SMC2: variants seen among roughly 807,000 people sequenced by gnomAD.
The protein encoded by SMC2 is structural maintenance of chromosomes protein 2.
Under a neutral mutation model 142.6 loss-of-function variants are expected in SMC2, and 41 were observed. The ratio of observed to expected loss-of-function variants is 0.29; its 90% CI spans 0.22 to 0.37. The LOEUF is 0.37. Among genes scored for constraint, SMC2 ranks in the 10% least tolerant of loss-of-function variants. The pLI, the probability that SMC2 is intolerant of heterozygous loss-of-function variation, is 1.00. For missense variants in SMC2, 1,265 were observed against 1,373.7 expected (o/e 0.92, Z 1.25); for synonymous variants, 463 against 457.5 (o/e 1.01, Z -0.15).
At chr9:104,117,633 C>CAT (rs1261553549) in intron 14 of SMC2, among the ~76,000 whole-genome samples, 1 of 152,172 alleles carries the variant, frequency 6.6e-6, no homozygotes, top group African/African-American at 2.4e-5. Context: ...ACAACATTTT[C>CAT]ATATAGTTGT....
chr9:104,096,392 C>A, intron 3 of SMC2, 95 bp downstream of exon 3: 1 of 1,210,074 alleles, frequency 8.3e-7, no homozygotes, highest in South Asian at 1.5e-5. Flanking sequence ...AGAGAAAGTT[C>A]ATGAGCAAAA....
chr9:104,104,543 A>G (rs952977690), intron 9 of SMC2, among the ~76,000 whole-genome samples: 16 of 150,322 alleles, frequency 1.1e-4, no homozygotes, highest in African/African-American at 4.0e-4. Flanking sequence ...CAGCTGGAGG[A>G]GCAGATAGAA....
In SMC2 at chr9:104,120,042, C is replaced by A. The variant is rs750817612; in HGVS notation, c.2012C>A (p.Ala671Glu). 1 of 1,613,750 alleles carries A rather than the reference C, an allele frequency of 6.2e-7. No homozygotes were observed. Among genetic ancestry groups the A allele is most frequent in the Non-Finnish European group, 8.5e-7 (1 of 1,179,880 alleles). ...GTLSGGARSQAASILTKFQEL... is the reference protein window; with the variant it reads ...GTLSGGARSQEASILTKFQEL... The stretch of plus-strand genomic sequence containing the variant: ...CCTCTATCAGGTGCTCGATCCCAGG[C>A]AGCTTCCATTTTAACCAAGTTTCAA... Residue 671 changes from alanine (A) to glutamate (E), a missense_variant, in exon 16 of 25, where the codon GCA becomes GAA. Transcript: ENST00000374793.
Position 104,124,907 on chromosome 9 carries a change from T to C in SMC2, c.2258-5T>C. The C allele has an allele frequency of 6.3e-7, 1 of 1,577,184 alleles. No homozygotes were observed. The highest frequency in any genetic ancestry group is 1.2e-5 in the South Asian group (1 of 82,852). On this transcript the variant is annotated splice_polypyrimidine_tract_variant and splice_region_variant and intron_variant, in intron 17 of 24. Transcript: ENST00000374793. ...TTAGCCACATTTGCTTACTTTGTGA[T>C]GCAGAGGAAAGTGAGGAGACTTTGA...
chr9:104,099,601 T>C, intron 4 of SMC2, 43 bp from the exon 5 acceptor site: 1 of 1,269,514 alleles, frequency 7.9e-7, no homozygotes, highest in Non-Finnish European at 1.2e-6. Context: ...ATAAACATTT[T>C]CTGTAATTTG....
chr9:104,100,353 T>C, intron 6 of SMC2, 36 bp from the exon 7 acceptor site: 1 of 1,500,348 alleles, frequency 6.7e-7, no homozygotes, highest in Non-Finnish European at 9.2e-7. Flanking sequence ...AATGATACTT[T>C]ACATGCGAAA....
At chr9:104,091,318 A>G (rs1587865475), upstream of SMC2, among the ~76,000 whole-genome samples, 1 of 152,370 alleles carries the variant, frequency 6.6e-6, no homozygotes, top group African/African-American at 2.4e-5. Flanking sequence ...GTAGGTAACT[A>G]TAACACAATG....
intron 17 of SMC2, among the ~76,000 whole-genome samples, chr9:104,124,319 T>A (rs1834038527): frequency 6.6e-6 from 1 of 152,166 alleles, no homozygotes; most frequent in African/African-American, 2.4e-5. Flanking sequence ...TCTCTTGACC[T>A]CATGATCTGC....
chr9:104,101,930 G>A, intron 7 of SMC2, 30 bp from the exon 8 acceptor site: 1 of 1,346,184 alleles, frequency 7.4e-7, no homozygotes, highest in Non-Finnish European at 1.0e-6. Context: ...ACAATTTTGA[G>A]TTATTCTTTT....
chr9:104,110,455 TATGAG>T (rs963435179), intron 9 of SMC2, among the ~76,000 whole-genome samples: 1 of 150,842 alleles, frequency 6.6e-6, no homozygotes, highest in Non-Finnish European at 1.5e-5. Flanking sequence ...GCATACAAAA[TATGAG>T]TTAATTGTGT....
At position 104,139,343 on chromosome 9, in the gene SMC2, C is replaced by G; in HGVS notation, c.*28C>G. On this transcript the variant is annotated 3_prime_UTR_variant, in exon 25 of 25. Coordinates refer to ENST00000374793, the MANE Select transcript of SMC2 (RefSeq NM_006444.3). The stretch of plus-strand genomic sequence containing the variant: ...TACAAAGTTATTTCTTCATCTTGAC[C>G]TGTTTTTTTAAATGTAAACTTTTAA... The G allele has an allele frequency of 6.5e-7, 1 of 1,540,566 alleles. No individual in the cohort carries two copies. The highest frequency in any genetic ancestry group is 8.7e-7 in the Non-Finnish European group (1 of 1,151,894).
intron 22 of SMC2, among the ~76,000 whole-genome samples, chr9:104,133,994 C>T (rs796268817): frequency 6.6e-6 from 1 of 152,094 alleles, no homozygotes; most frequent in African/African-American, 2.4e-5. Context: ...GTTTGCTTCT[C>T]TATTTTGTGT....
At chr9:104,135,071 T>C (rs16923741) in intron 23 of SMC2, among the ~76,000 whole-genome samples, 8,611 of 152,168 alleles carry the variant, frequency 0.057, 659 homozygotes, top group African/African-American at 0.18. Flanking sequence ...CAAACTGTTA[T>C]TTGTTTATCA....
Position 104,094,335 on chromosome 9 carries a change from T to G in SMC2, c.-204T>G, listed in dbSNP as rs1202614553. ...AAGGAATAAATAGTTCCGGCGCGGG[T>G]GTTGAGAGCGGTGTGGCAGGTGTTG... On this transcript the variant is annotated 5_prime_UTR_variant, in exon 1 of 25. Transcript: ENST00000374793. 2 of 398,452 alleles carry G rather than the reference T, an allele frequency of 5.0e-6. No individual in the cohort carries two copies. The highest frequency in any genetic ancestry group is 8.8e-6 in the Non-Finnish European group (2 of 226,116). The allele number at this position is 398,452 out of a possible 1,614,324, so 24.7% of individuals were successfully genotyped here. A position where few individuals can be genotyped will look rare whatever the true frequency, so the allele number is the denominator to read the frequency against.
rs141357732 is a variant in SMC2, at chr9:104,097,095, A to G, written c.318+798A>G. Among the ~76,000 whole-genome samples the G allele has an allele frequency of 9.7e-5, 14 of 144,798 alleles. No individual in the cohort carries two copies. The East Asian group carries it at 2.4e-3, about 24-fold the overall frequency. 95.0% of individuals were successfully genotyped at this position (144,798 alleles called of 152,430 possible). Reference sequence around the variant, plus strand: ...TTTTAGGTGTGTTATTAATATAGTCAGGCAGTGTTTTCAGCTTGTCAAGGT... The same window carrying G: ...TTTTAGGTGTGTTATTAATATAGTCGGGCAGTGTTTTCAGCTTGTCAAGGT... On this transcript the variant is annotated intron_variant, in intron 3 of 24. Transcript: ENST00000374793.
Position 104,139,411 on chromosome 9 carries a change from T to TA in SMC2, c.*97dup, listed in dbSNP as rs1835881471. 2.1e-6 allele frequency: 2 copies of TA among 951,070 alleles called. No individual in the cohort carries two copies. Among genetic ancestry groups the TA allele is most frequent in the East Asian group, 2.9e-5 (1 of 34,244 alleles). The allele number at this position is 951,070 out of a possible 1,614,324, so 58.9% of individuals were successfully genotyped here. A position where few individuals can be genotyped will look rare whatever the true frequency, so the allele number is the denominator to read the frequency against. ...TTTGTTTATATACAAAAATTAATGT[T>TA]ACTGTGTTACTTAACCCATGTTTTC... On this transcript the variant is annotated 3_prime_UTR_variant, in exon 25 of 25. Coordinates refer to ENST00000374793, the MANE Select transcript of SMC2 (RefSeq NM_006444.3).
At chr9:104,133,582 A>G (rs1187586001) in intron 22 of SMC2, among the ~76,000 whole-genome samples, 2 of 152,162 alleles carry the variant, frequency 1.3e-5, no homozygotes, top group African/African-American at 4.8e-5. Context: ...TATGTGTGTT[A>G]TGCTTTCAAG....
chr9:104,127,192 C>A (rs7035116), intron 19 of SMC2, 94 bp from the exon 20 acceptor site: 19,247 of 964,128 alleles, frequency 0.02, 1,084 homozygotes, highest in African/African-American at 0.18. Context: ...TCACATTGCC[C>A]TCTTGCCCAG....
intron 13 of SMC2, among the ~76,000 whole-genome samples, chr9:104,115,399 A>T (rs1411900769): frequency 6.6e-6 from 1 of 151,960 alleles, no homozygotes; most frequent in Non-Finnish European, 1.5e-5. Flanking sequence ...ACGTGGCAAA[A>T]CCCCATCTCT....
Sources: allele counts gnomAD v4.1 joint callset (sites outside exome capture counted in the v4.1 genomes callset), GRCh38; gene constraint gnomAD v4.1.1; transcripts MANE v1.5; gene names NCBI Gene and HGNC (gene_info 2026-07-23, HGNC 2026-07-21).